Variants in CNTN5 observed in about 807,000 individuals in gnomAD.
CNTN5 encodes the protein contactin 5, also known as contactin-5.
A neutral mutation model predicts 129.1 loss-of-function variants in CNTN5; 77 were observed. The ratio of observed to expected loss-of-function variants is 0.60; its 90% CI spans 0.50 to 0.72. The LOEUF (loss-of-function observed/expected upper bound fraction) is 0.72. CNTN5 is among the 30% of genes least tolerant of loss of function. The pLI is 0.00. For synonymous variants in CNTN5, 509 were observed against 465.6 expected, an observed-to-expected ratio of 1.09 and a Z score of -1.20; for missense variants, 1,478 against 1,328.8, an observed-to-expected ratio of 1.11 and a Z score of -1.75.
At chr11:99,577,161 A>G (rs1319813939) in intron 3 of CNTN5, among the ~76,000 whole-genome samples, 1 of 152,182 alleles carries the variant, frequency 6.6e-6, no homozygotes, top group East Asian at 1.9e-4. Flanking sequence ...AGGTTGAAGG[A>G]TTGAGGGTAT....
chr11:100,338,644 C>T (rs1952088391), intron 21 of CNTN5, among the ~76,000 whole-genome samples: 2 of 152,182 alleles, frequency 1.3e-5, no homozygotes, highest in Non-Finnish European at 2.9e-5. Flanking sequence ...CGCATTCAAG[C>T]CTTTGTGGGA....
chr11:99,573,997 C>T (rs1020236348), intron 3 of CNTN5, among the ~76,000 whole-genome samples: 2 of 152,072 alleles, frequency 1.3e-5, no homozygotes, highest in African/African-American at 2.4e-5. Flanking sequence ...TGGTGGTTTG[C>T]TGCACCCATC....
intron 1 of CNTN5, among the ~76,000 whole-genome samples, chr11:99,121,052 G>T (rs1858293347): frequency 6.6e-6 from 1 of 151,996 alleles, no homozygotes; most frequent in African/African-American, 2.4e-5. Flanking sequence ...GCCTGTTATG[G>T]CATTGTTTAA....
chr11:99,355,636 C>G (rs1434162062), intron 2 of CNTN5, among the ~76,000 whole-genome samples: 2 of 152,066 alleles, frequency 1.3e-5, no homozygotes, highest in Non-Finnish European at 2.9e-5. Context: ...TTGTGATAAA[C>G]ATTACCAAAA....
intron 2 of CNTN5, among the ~76,000 whole-genome samples, chr11:99,411,973 A>G (rs1420280898): frequency 6.6e-6 from 1 of 152,228 alleles, no homozygotes; most frequent in Non-Finnish European, 1.5e-5. Context: ...TATGGGCCAG[A>G]CAAGATATAT....
chr11:99,967,817 A>G (rs1415909888), intron 8 of CNTN5, among the ~76,000 whole-genome samples: 1 of 152,080 alleles, frequency 6.6e-6, no homozygotes. Flanking sequence ...TTACTTGGCA[A>G]TTTTGTACCT....
At chr11:99,042,669 C>T (rs560879808) in intron 1 of CNTN5, among the ~76,000 whole-genome samples, 2 of 152,134 alleles carry the variant, frequency 1.3e-5, no homozygotes, top group South Asian at 4.1e-4. Flanking sequence ...GCCACCGCGC[C>T]CGGCCACCTC....
chr11:99,423,818 G>A (rs1019615794), intron 2 of CNTN5, among the ~76,000 whole-genome samples: 3 of 150,542 alleles, frequency 2.0e-5, no homozygotes, highest in African/African-American at 7.3e-5. Context: ...GGAGCTGAGA[G>A]AGAGGCAGCA....
chr11:100,044,989 TCTC>T (rs1356766663), intron 9 of CNTN5, among the ~76,000 whole-genome samples: 1 of 152,108 alleles, frequency 6.6e-6, no homozygotes, highest in Non-Finnish European at 1.5e-5. Context: ...TACTATTAGG[TCTC>T]CTTTTTTCTC....
intron 7 of CNTN5, among the ~76,000 whole-genome samples, chr11:99,947,538 A>G (rs1950579256): frequency 6.6e-6 from 1 of 152,178 alleles, no homozygotes; most frequent in Non-Finnish European, 1.5e-5. Context: ...TAAAAGCACA[A>G]AAAACATTTT....
intron 2 of CNTN5, among the ~76,000 whole-genome samples, chr11:99,465,967 C>T (rs1338917773): frequency 5.3e-5 from 8 of 151,070 alleles, no homozygotes; most frequent in Admixed American, 3.3e-4. Flanking sequence ...CTGCAAGCTC[C>T]GCCTCCTGGG....
At chr11:99,530,037 A>G (rs1472002276) in intron 2 of CNTN5, among the ~76,000 whole-genome samples, 1 of 152,122 alleles carries the variant, frequency 6.6e-6, no homozygotes, top group African/African-American at 2.4e-5. Flanking sequence ...ATTTTTCCAT[A>G]TTTTGTATTT....
chr11:99,343,151 A>G (rs911751284), intron 2 of CNTN5, among the ~76,000 whole-genome samples: 8 of 152,280 alleles, frequency 5.3e-5, no homozygotes, highest in Admixed American at 4.6e-4. Context: ...GTGGCTGGAA[A>G]GAGAGGAGGG....
At chr11:99,265,754 CTG>C (rs144713539) in intron 1 of CNTN5, among the ~76,000 whole-genome samples, 1 of 152,060 alleles carries the variant, frequency 6.6e-6, no homozygotes, top group Non-Finnish European at 1.5e-5. Context: ...TTATTGCTTA[CTG>C]CTCCCCACCG....
intron 3 of CNTN5, among the ~76,000 whole-genome samples, chr11:99,653,169 AT>A (rs1232864750): frequency 6.6e-6 from 1 of 152,000 alleles, no homozygotes; most frequent in African/African-American, 2.4e-5. Context: ...GAAAATATTT[AT>A]TTTACTAATT....
chr11:99,690,170 A>G (rs1054413422), intron 3 of CNTN5, among the ~76,000 whole-genome samples: 2 of 152,132 alleles, frequency 1.3e-5, no homozygotes, highest in African/African-American at 4.8e-5. Context: ...TCCCAGCACT[A>G]CTTATTAAGT....
At chr11:99,930,346 T>C (rs1950162877) in intron 7 of CNTN5, among the ~76,000 whole-genome samples, 1 of 152,200 alleles carries the variant, frequency 6.6e-6, no homozygotes, top group Non-Finnish European at 1.5e-5. Context: ...AATTCCACCA[T>C]TTTGACCCTT....
intron 3 of CNTN5, among the ~76,000 whole-genome samples, chr11:99,613,679 AG>A (rs1157335481): frequency 9.5e-6 from 1 of 104,870 alleles, no homozygotes; most frequent in Non-Finnish European, 1.8e-5. Context: ...AAATCCTTAT[AG>A]TAAAGTAATA....
chr11:100,117,787 A>G (rs1248396138), intron 13 of CNTN5, among the ~76,000 whole-genome samples: 3 of 151,944 alleles, frequency 2.0e-5, no homozygotes, highest in African/African-American at 4.8e-5. Flanking sequence ...ATTTTACTTA[A>G]CAACTATTAG....
Sources: allele counts gnomAD v4.1 joint callset (sites outside exome capture counted in the v4.1 genomes callset), GRCh38; gene constraint gnomAD v4.1.1; transcripts MANE v1.5; gene names NCBI Gene and HGNC (gene_info 2026-07-23, HGNC 2026-07-21).